CEP85L: variants seen among roughly 807,000 people sequenced by gnomAD.
CEP85L encodes centrosomal protein 85L.
A neutral mutation model predicts 100.3 loss-of-function variants in CEP85L; 60 were observed. The ratio of observed to expected loss-of-function variants is 0.60; its 90% CI spans 0.49 to 0.74. CEP85L has a LOEUF of 0.74. CEP85L is among the 30% of genes least tolerant of loss of function. The pLI, the probability that CEP85L is intolerant of heterozygous loss-of-function variation, is 0.00. For synonymous variants in CEP85L, 319 were observed against 322.7 expected (o/e 0.99, Z 0.12); for missense variants, 973 against 936.2 (o/e 1.04, Z -0.51).
At chr6:118,504,013 A>G (rs1054236186) in intron 5 of CEP85L, among the ~76,000 whole-genome samples, 1 of 152,180 alleles carries the variant, frequency 6.6e-6, no homozygotes, top group Non-Finnish European at 1.5e-5. Context: ...ACAGACCAGG[A>G]GAAATATTTG....
At chr6:118,666,450 C>T (rs910545630) in intron 1 of CEP85L, among the ~76,000 whole-genome samples, 2 of 152,302 alleles carry the variant, frequency 1.3e-5, no homozygotes, top group African/African-American at 4.8e-5. Context: ...TATGCTCTTT[C>T]CACTATACCA....
intron 3 of CEP85L, among the ~76,000 whole-genome samples, chr6:118,557,492 A>G (rs1468823383): frequency 6.6e-6 from 1 of 152,164 alleles, no homozygotes; most frequent in Non-Finnish European, 1.5e-5. Flanking sequence ...TATTCTCCCC[A>G]CATCTGTGGG....
chr6:118,690,301 C>T (rs1205636992), intron 1 of CEP85L, among the ~76,000 whole-genome samples: 1 of 152,172 alleles, frequency 6.6e-6, no homozygotes, highest in Non-Finnish European at 1.5e-5. Flanking sequence ...AACTATAACT[C>T]TAATACTCTC....
chr6:118,531,240 A>G (rs1012835849), intron 3 of CEP85L, among the ~76,000 whole-genome samples: 1 of 152,160 alleles, frequency 6.6e-6, no homozygotes, highest in Non-Finnish European at 1.5e-5. Flanking sequence ...ACGTCAACAA[A>G]AACAATCAAA....
chr6:118,587,621 T>C (rs907882808), intron 2 of CEP85L, among the ~76,000 whole-genome samples: 2 of 152,088 alleles, frequency 1.3e-5, no homozygotes, highest in East Asian at 1.9e-4. Context: ...CCCCCACCCA[T>C]GGAATTCCAG....
chr6:118,488,386 C>G (rs900379944), intron 6 of CEP85L, among the ~76,000 whole-genome samples: 1 of 151,704 alleles, frequency 6.6e-6, no homozygotes, highest in Admixed American at 6.6e-5. Context: ...AATATAATAA[C>G]TGAAATAAAA....
At chr6:118,674,372 A>C (rs573186434) in intron 1 of CEP85L, among the ~76,000 whole-genome samples, 1 of 152,090 alleles carries the variant, frequency 6.6e-6, no homozygotes, top group Admixed American at 6.5e-5. Flanking sequence ...AAAAATAAAA[A>C]AATTAGCTGG....
chr6:118,501,899 GAT>G lies in CEP85L; in HGVS notation c.1257+9397_1257+9398del, dbSNP rs140519682. 4.4e-4 allele frequency: 516 copies of G among 1,175,138 alleles called. 2 individuals are homozygous for G. In the East Asian group the frequency reaches 0.012, roughly 27 times the overall value. 72.8% of individuals were successfully genotyped at this position (1,175,138 alleles called of 1,614,324 possible). A position where few individuals can be genotyped will look rare whatever the true frequency, so the allele number is the denominator to read the frequency against. On this transcript the variant is annotated intron_variant, in intron 5 of 12. Coordinates refer to ENST00000368491, the MANE Select transcript of CEP85L (RefSeq NM_001042475.3). ...CAAAGAAAATAAAAAGAAAGACAAA[GAT>G]ATGCTTTTAAGTTTAAAAGCAGTAA...
chr6:118,620,546 T>C (rs1255903876), intron 2 of CEP85L, among the ~76,000 whole-genome samples: 4 of 152,108 alleles, frequency 2.6e-5, no homozygotes, highest in South Asian at 4.1e-4. Context: ...AAGGAAACCA[T>C]TGGAAGGCAT....
intron 6 of CEP85L, among the ~76,000 whole-genome samples, chr6:118,485,948 T>C (rs1395459772): frequency 6.6e-6 from 1 of 152,236 alleles, no homozygotes; most frequent in Non-Finnish European, 1.5e-5. Context: ...AAGCAATGAC[T>C]GGAATAGGTC....
intron 12 of CEP85L, among the ~76,000 whole-genome samples, chr6:118,468,349 C>T (rs1772688481): frequency 1.3e-5 from 2 of 152,250 alleles, no homozygotes; most frequent in African/African-American, 4.8e-5. Context: ...GCCCATAAAC[C>T]TTATTATATG....
intron 1 of CEP85L, among the ~76,000 whole-genome samples, chr6:118,691,448 G>A (rs905283233): frequency 2.7e-5 from 4 of 150,262 alleles, no homozygotes; most frequent in East Asian, 3.9e-4. Flanking sequence ...CAGGAGAATC[G>A]CTTTAACCCA....
Position 118,600,370 on chromosome 6 carries a change from T to TGTGTGTGTGTGTGTGTGG in CEP85L, c.232+32082_232+32083insCCACACACACACACACAC, listed in dbSNP as rs58066356. Among the ~76,000 whole-genome samples the TGTGTGTGTGTGTGTGTGG allele has an allele frequency of 1.7e-3, 145 of 86,436 alleles. 42 individuals carry two copies. Among genetic ancestry groups the TGTGTGTGTGTGTGTGTGG allele is most frequent in the African/African-American group, 2.4e-3 (57 of 23,958 alleles). 56.7% of individuals were successfully genotyped at this position (86,436 alleles called of 152,430 possible). On this transcript the variant is annotated intron_variant, in intron 2 of 12. Transcript: ENST00000368491. The stretch of plus-strand genomic sequence containing the variant: ...GTGTGTGTGTGTGTGTGTGTGTGTG[T>TGTGTGTGTGTGTGTGTGG]AACGCCATGGAGCAATCTCAGCTCA...
At chr6:118,619,980 T>C (rs922173314) in intron 2 of CEP85L, among the ~76,000 whole-genome samples, 5 of 152,194 alleles carry the variant, frequency 3.3e-5, no homozygotes, top group African/African-American at 9.7e-5. Context: ...GGATACTGAC[T>C]CAGATCATGA....
upstream of CEP85L, chr6:118,656,998 G>A (rs1775817182): frequency 6.6e-6 from 1 of 152,220 alleles, no homozygotes; most frequent in Non-Finnish European, 1.5e-5. Flanking sequence ...TGTGGTCTGA[G>A]CCTTTCCTTT....
intron 1 of CEP85L, among the ~76,000 whole-genome samples, chr6:118,685,459 C>T (rs1562358740): frequency 6.6e-6 from 1 of 152,086 alleles, no homozygotes; most frequent in East Asian, 1.9e-4. Flanking sequence ...AAATAAAATA[C>T]TTTTTGTAAT....
intron 1 of CEP85L, among the ~76,000 whole-genome samples, chr6:118,693,260 A>G (rs1777104753): frequency 1.3e-5 from 2 of 152,080 alleles, no homozygotes. Flanking sequence ...CCATTTCCAA[A>G]CCTCATATTT....
At chr6:118,638,420 ATGACT>A (rs1368690286) in intron 1 of CEP85L, among the ~76,000 whole-genome samples, 2 of 152,016 alleles carry the variant, frequency 1.3e-5, no homozygotes, top group African/African-American at 4.8e-5. Context: ...AAAGAATGAC[ATGACT>A]TGTCTTTAGA....
intron 3 of CEP85L, among the ~76,000 whole-genome samples, chr6:118,556,190 G>A (rs1778864520): frequency 6.6e-6 from 1 of 152,142 alleles, no homozygotes; most frequent in African/African-American, 2.4e-5. Flanking sequence ...TGGGTCGAAT[G>A]GTAGTTCTGC....
Sources: gnomAD v4.1 joint callset for allele counts (sites outside exome capture counted in the v4.1 genomes callset) on GRCh38, gnomAD v4.1.1 for gene constraint, MANE v1.5 for transcripts, NCBI Gene and HGNC (gene_info 2026-07-23, HGNC 2026-07-21) for gene names.